The following FGF13 variants were observed in gnomAD, a reference collection of about 807,000 sequenced individuals.
The protein encoded by FGF13 is fibroblast growth factor homologous factor 2.
Under a neutral mutation model 19.5 loss-of-function variants are expected in FGF13, and 2 were observed. The ratio of observed to expected loss-of-function variants is 0.10; its 90% CI spans 0.04 to 0.32. FGF13 has a LOEUF of 0.32. Among genes scored for constraint, FGF13 ranks in the 10% least tolerant of loss-of-function variants. The pLI is 1.00. For synonymous variants in FGF13, 72 were observed against 76.9 expected (o/e 0.94, Z 0.33); for missense variants, 113 against 192.7 (o/e 0.59, Z 2.45).
chrX:139,192,060 G>A (rs2084334703), intron 1 of FGF13, among the ~76,000 whole-genome samples: 1 of 111,768 alleles, frequency 8.9e-6, no homozygotes, highest in Admixed American at 9.5e-5. Context: ...ATTGAGGCAG[G>A]ACTGGCAATA....
intron 3 of FGF13, among the ~76,000 whole-genome samples, chrX:138,675,033 G>A (rs1044536745): frequency 1.8e-4 from 20 of 111,452 alleles, no homozygotes; most frequent in Non-Finnish European, 7.5e-5. Flanking sequence ...CTAAAGAGTC[G>A]TGTACAGTAT....
Position 138,958,747 on chromosome X carries a change from T to TCA in FGF13, c.-112-94098_-112-94097insTG, listed in dbSNP as rs2091854276. ...ATTCAACTTCTTCCTGGTTTAGTCT[T>TCA]GGGAGGGTGTATGTGTCCAGGAATT... is the stretch of plus-strand genomic sequence containing the variant. On this transcript the variant is annotated intron_variant, in intron 1 of 2. Coordinates refer to the FGF13 transcript ENST00000421460. Among the ~76,000 whole-genome samples the TCA allele has an allele frequency of 7.2e-5, 8 of 111,764 alleles. No homozygotes were observed. In the East Asian group the frequency reaches 1.1e-3, roughly 16 times the overall value.
chrX:138,638,630 C>CT (rs937453112), intron 3 of FGF13, among the ~76,000 whole-genome samples: 14 of 111,580 alleles, frequency 1.3e-4, no homozygotes, highest in Admixed American at 9.6e-4. Flanking sequence ...CATGGCAGAC[C>CT]GCTTGATTAT....
chrX:138,895,865 C>T (rs1193859577), intron 1 of FGF13, among the ~76,000 whole-genome samples: 1 of 111,549 alleles, frequency 9.0e-6, no homozygotes, highest in Non-Finnish European at 1.9e-5. Context: ...CATTCATGAA[C>T]CTGAAAAACT....
chrX:139,016,989 G>A (rs182975299), intron 1 of FGF13, among the ~76,000 whole-genome samples: 1 of 109,846 alleles, frequency 9.1e-6, no homozygotes, highest in Admixed American at 9.8e-5. Context: ...GATCTCTGTG[G>A]TAAATAGCTT....
chrX:138,877,228 GTTTT>G (rs766764205), intron 1 of FGF13, among the ~76,000 whole-genome samples: 1 of 102,518 alleles, frequency 9.8e-6, no homozygotes, highest in Non-Finnish European at 2.0e-5. Flanking sequence ...CATGTATTCT[GTTTT>G]TTTTTTAAGA....
chrX:138,662,739 T>A (rs1227314807), intron 3 of FGF13, among the ~76,000 whole-genome samples: 1 of 111,527 alleles, frequency 9.0e-6, no homozygotes. Context: ...AAAAACATGG[T>A]GTGCTAATGG....
intron 3 of FGF13, among the ~76,000 whole-genome samples, chrX:138,831,669 TTC>T (rs1383889166): frequency 1.8e-5 from 2 of 111,019 alleles, no homozygotes; most frequent in African/African-American, 6.5e-5. Context: ...GCTATTCCAT[TTC>T]TTTTTTTTTT....
intron 1 of FGF13, among the ~76,000 whole-genome samples, chrX:139,016,964 C>T (rs192094454): frequency 5.5e-4 from 60 of 109,979 alleles, no homozygotes; most frequent in Non-Finnish European, 7.4e-4. Flanking sequence ...TCCTTCACAC[C>T]GAATACTCAA....
intron 3 of FGF13, among the ~76,000 whole-genome samples, chrX:138,745,890 C>T (rs981520095): frequency 9.0e-6 from 1 of 111,491 alleles, no homozygotes; most frequent in African/African-American, 3.3e-5. Context: ...TGAGGCTGTA[C>T]CAGGCCTGGC....
intron 1 of FGF13, among the ~76,000 whole-genome samples, chrX:139,192,272 A>C (rs2084337110): frequency 9.0e-6 from 1 of 111,184 alleles, no homozygotes; most frequent in African/African-American, 3.3e-5. Context: ...GGAGTGGATG[A>C]CTCCTTTGAG....
In FGF13 at chrX:138,711,563, G is replaced by A. The variant is rs1484082971; in HGVS notation, c.-560C>T. ...CTTCGACTAGTCCTTGCAACTTCTT[G>A]GCGTGATAATCGGGAAAAGTTGGCC... On this transcript the variant is annotated 5_prime_UTR_variant, in exon 1 of 5. Coordinates refer to ENST00000315930, the MANE Select transcript of FGF13 (RefSeq NM_004114.5). The A allele has an allele frequency of 1.3e-6, 1 of 755,704 alleles. No homozygotes were observed. 62.3% of individuals were successfully genotyped at this position (755,704 alleles called of 1,213,427 possible). A position where few individuals can be genotyped will look rare whatever the true frequency, so the allele number is the denominator to read the frequency against.
chrX:139,154,682 C>T (rs748947767), intron 1 of FGF13, among the ~76,000 whole-genome samples: 8 of 111,840 alleles, frequency 7.2e-5, no homozygotes, highest in South Asian at 7.4e-4. Flanking sequence ...AAAAATGATG[C>T]GGCAAGTGTA....
intron 1 of FGF13, among the ~76,000 whole-genome samples, chrX:138,910,383 G>A (rs994471792): frequency 9.0e-6 from 1 of 110,928 alleles, no homozygotes; most frequent in Non-Finnish European, 1.9e-5. Flanking sequence ...TGGTACTGTT[G>A]TGGTCAAATT....
chrX:138,755,073 C>G (rs894744860), intron 3 of FGF13, among the ~76,000 whole-genome samples: 3 of 111,645 alleles, frequency 2.7e-5, no homozygotes, highest in African/African-American at 9.8e-5. Context: ...AATCATCAAA[C>G]CTGGGGGTGA....
chrX:138,981,508 T>C (rs2091963765), intron 1 of FGF13, among the ~76,000 whole-genome samples: 1 of 111,401 alleles, frequency 9.0e-6, no homozygotes, highest in South Asian at 3.8e-4. Context: ...ACCAACATGC[T>C]AGGAGTGAAT....
intron 3 of FGF13, among the ~76,000 whole-genome samples, chrX:138,666,401 CA>C: frequency 9.0e-6 from 1 of 111,347 alleles, no homozygotes; most frequent in East Asian, 2.8e-4. Flanking sequence ...AGGTATGATC[CA>C]AAAAGTACGT....
At chrX:138,845,938 C>T (rs1219234524) in intron 3 of FGF13, among the ~76,000 whole-genome samples, 1 of 111,042 alleles carries the variant, frequency 9.0e-6, no homozygotes, top group Non-Finnish European at 1.9e-5. Flanking sequence ...TTGTTCCTTC[C>T]TTGTTGCTTA....
intron 1 of FGF13, among the ~76,000 whole-genome samples, chrX:138,982,339 C>T (rs2091967356): frequency 9.0e-6 from 1 of 111,675 alleles, no homozygotes; most frequent in Non-Finnish European, 1.9e-5. Context: ...ATTTCAAGCT[C>T]CACCATTGTC....
Sources: allele counts gnomAD v4.1 joint callset (sites outside exome capture counted in the v4.1 genomes callset), GRCh38; gene constraint gnomAD v4.1.1; transcripts MANE v1.5; gene names NCBI Gene and HGNC (gene_info 2026-07-23, HGNC 2026-07-21).